GLCCI1: variants seen among roughly 807,000 people sequenced by gnomAD.
GLCCI1 encodes glucocorticoid induced 1, also known as glucocorticoid-induced transcript 1 protein.
Under a neutral mutation model 52.2 loss-of-function variants are expected in GLCCI1, and 24 were observed. The observed-to-expected ratio is 0.46, with a 90% confidence interval of 0.33 to 0.65. The LOEUF is 0.65. Among genes scored for constraint, GLCCI1 ranks in the 30% least tolerant of loss-of-function variants. GLCCI1 has a pLI of 0.02. For missense variants in GLCCI1, 704 were observed against 701.5 expected (o/e 1.00, Z -0.04); for synonymous variants, 310 against 276.5 (o/e 1.12, Z -1.20).
intron 3 of GLCCI1, among the ~76,000 whole-genome samples, chr7:8,027,145 A>C (rs770807528): frequency 5.3e-5 from 8 of 152,224 alleles, no homozygotes; most frequent in Admixed American, 1.3e-4. Flanking sequence ...TGAACCAGGC[A>C]CCAGGGACTA....
chr7:8,084,749 C>G, intron 6 of GLCCI1, 148 bp from the exon 7 acceptor site: 2 of 678,944 alleles, frequency 2.9e-6, no homozygotes, highest in Middle Eastern at 4.1e-4. Context: ...ATGTGCTACA[C>G]AGGGTATAAG....
At chr7:8,050,882 A>T (rs746335674) in intron 3 of GLCCI1, among the ~76,000 whole-genome samples, 1 of 152,242 alleles carries the variant, frequency 6.6e-6, no homozygotes, top group Non-Finnish European at 1.5e-5. Flanking sequence ...AAATAATAAT[A>T]ATAGTACCTA....
chr7:8,084,799 G>A, intron 6 of GLCCI1, 98 bp from the exon 7 acceptor site: 1 of 1,175,268 alleles, frequency 8.5e-7, no homozygotes, highest in Non-Finnish European at 1.2e-6. Flanking sequence ...AAAGCATAGG[G>A]GCAGTAGTGG....
chr7:7,973,610 C>T (rs1294289872), intron 1 of GLCCI1, among the ~76,000 whole-genome samples: 1 of 152,000 alleles, frequency 6.6e-6, no homozygotes, highest in Non-Finnish European at 1.5e-5. Flanking sequence ...TGAAAAATAG[C>T]ATATGTTAGT....
At chr7:8,058,301 T>A (rs1037779821) in intron 4 of GLCCI1, among the ~76,000 whole-genome samples, 12 of 152,158 alleles carry the variant, frequency 7.9e-5, no homozygotes, top group African/African-American at 2.9e-4. Flanking sequence ...GATGGGAAGA[T>A]TCAGTATTTT....
chr7:8,064,742 T>C (rs549491830), intron 5 of GLCCI1, among the ~76,000 whole-genome samples: 2 of 152,274 alleles, frequency 1.3e-5, no homozygotes, highest in East Asian at 3.9e-4. Context: ...GTCTTGCTGC[T>C]CTGTCGCCAG....
chr7:7,999,674 G>A (rs1781014419), intron 1 of GLCCI1, among the ~76,000 whole-genome samples: 1 of 152,170 alleles, frequency 6.6e-6, no homozygotes. Context: ...GGAGGCCAAG[G>A]TGGGAGGATC....
At chr7:8,041,524 A>AG (rs1781998454) in intron 3 of GLCCI1, among the ~76,000 whole-genome samples, 3 of 152,346 alleles carry the variant, frequency 2.0e-5, no homozygotes, top group South Asian at 4.1e-4. Context: ...GGACTTTCAT[A>AG]GCTGGAGAGA....
intron 1 of GLCCI1, among the ~76,000 whole-genome samples, chr7:7,997,694 G>A (rs879635520): frequency 2.0e-4 from 30 of 152,000 alleles, no homozygotes; most frequent in Admixed American, 1.8e-3. Flanking sequence ...TTGGGAGGCC[G>A]AGGCAGGCAG....
intron 5 of GLCCI1, among the ~76,000 whole-genome samples, chr7:8,065,123 C>G (rs1050468622): frequency 9.2e-5 from 14 of 152,144 alleles, no homozygotes; most frequent in African/African-American, 3.1e-4. Context: ...TTGTAATTCT[C>G]ATTCTAGAGA....
At chr7:7,984,538 G>A (rs1786448105) in intron 1 of GLCCI1, among the ~76,000 whole-genome samples, 1 of 152,174 alleles carries the variant, frequency 6.6e-6, no homozygotes, top group South Asian at 2.1e-4. Flanking sequence ...ACTTTAAACT[G>A]TAAAGCAGAT....
intron 1 of GLCCI1, among the ~76,000 whole-genome samples, chr7:7,993,150 T>G (rs186717832): frequency 6.6e-6 from 1 of 152,334 alleles, no homozygotes; most frequent in Admixed American, 6.5e-5. Flanking sequence ...TTAGGAAGAA[T>G]CTGCTATTTT....
chr7:7,997,118 G>A (rs1185807294), intron 1 of GLCCI1, among the ~76,000 whole-genome samples: 3 of 152,004 alleles, frequency 2.0e-5, no homozygotes, highest in Non-Finnish European at 4.4e-5. Flanking sequence ...TAATTCTATT[G>A]GATGATAAAT....
chr7:7,998,935 C>T (rs961924051), intron 1 of GLCCI1, among the ~76,000 whole-genome samples: 2 of 151,828 alleles, frequency 1.3e-5, no homozygotes, highest in East Asian at 3.9e-4. Flanking sequence ...AATATAATTT[C>T]TGTATTTTTA....
At position 8,060,050 on chromosome 7, in the gene GLCCI1, G is replaced by A. The variant is rs758212255; in HGVS notation, c.814-46G>A. 2.0e-5 allele frequency: 31 copies of A among 1,531,198 alleles called. No individual in the cohort carries two copies. In the Admixed American group the frequency reaches 6.0e-4, roughly 30 times the overall value. The allele number at this position is 1,531,198 out of a possible 1,614,324, so 94.9% of individuals were successfully genotyped here. On this transcript the variant is annotated intron_variant, in intron 4 of 7. Transcript: ENST00000223145. ...TTACCATACTCTTTAGTTCTTGATT[G>A]CTTTGACCACAAATAATTTGATACC...
intron 3 of GLCCI1, 117 bp downstream of exon 3, chr7:8,022,686 G>C (rs188126345): frequency 2.3e-6 from 1 of 442,270 alleles, no homozygotes; most frequent in East Asian, 4.2e-5. Context: ...TTTCAGTAAG[G>C]TTAGGACAAA....
In GLCCI1 at chr7:8,087,967, T is replaced by C. The variant is rs1364336771; in HGVS notation, c.*1429T>C. The C allele has an allele frequency of 1.3e-5, 2 of 152,454 alleles. No homozygotes were observed. Among genetic ancestry groups the C allele is most frequent in the South Asian group, 2.1e-4 (1 of 4,830 alleles). 9.4% of individuals were successfully genotyped at this position (152,454 alleles called of 1,614,324 possible). ...GCCTAACTTTCATTGTTTTCTTCAG[T>C]ACAAAGAGTATCCAAAAGCTAAGTT... On this transcript the variant is annotated 3_prime_UTR_variant, in exon 8 of 8. Coordinates refer to ENST00000223145, the MANE Select transcript of GLCCI1 (RefSeq NM_138426.4).
intron 3 of GLCCI1, among the ~76,000 whole-genome samples, chr7:8,054,917 G>T (rs542507472): frequency 3.2e-4 from 49 of 151,520 alleles, no homozygotes; most frequent in South Asian, 6.2e-4. Context: ...AATATATATA[G>T]TAATATATTA....
At chr7:8,069,890 A>AAATT (rs1782718316) in intron 5 of GLCCI1, among the ~76,000 whole-genome samples, 1 of 152,264 alleles carries the variant, frequency 6.6e-6, no homozygotes, top group Admixed American at 6.5e-5. Flanking sequence ...AATTATAAAT[A>AAATT]AATTAACAGC....
Sources: gnomAD v4.1 joint callset for allele counts (sites outside exome capture counted in the v4.1 genomes callset) on GRCh38, gnomAD v4.1.1 for gene constraint, MANE v1.5 for transcripts, NCBI Gene and HGNC (gene_info 2026-07-23, HGNC 2026-07-21) for gene names.